WWOX: variants seen among roughly 807,000 people sequenced by gnomAD.
WWOX encodes the protein WW domain-containing oxidoreductase.
WWOX carries 69 observed loss-of-function variants against 46.2 expected under a neutral mutation model. The ratio of observed to expected loss-of-function variants is 1.49; its 90% CI spans 1.23 to 1.82. The LOEUF (loss-of-function observed/expected upper bound fraction) is 1.82, where lower values mean the gene tolerates loss of function less well. WWOX is among the 40% of genes most tolerant of loss of function. WWOX has a pLI of 0.00. For missense variants in WWOX, 919 were observed against 542.6 expected (o/e 1.69, Z -6.89); for synonymous variants, 359 against 202.6 (o/e 1.77, Z -6.56).
At chr16:78,262,761 G>T (rs1011830048) in intron 5 of WWOX, among the ~76,000 whole-genome samples, 1 of 152,180 alleles carries the variant, frequency 6.6e-6, no homozygotes, top group Admixed American at 6.5e-5. Context: ...CCCCTGGACT[G>T]CTAAGACTCG....
At chr16:78,966,954 C>T (rs1011077752) in intron 8 of WWOX, among the ~76,000 whole-genome samples, 1 of 152,160 alleles carries the variant, frequency 6.6e-6, no homozygotes, top group Non-Finnish European at 1.5e-5. Flanking sequence ...GTAAGGGGTT[C>T]GTAAATACTG....
At chr16:78,665,759 A>T (rs553407860) in intron 8 of WWOX, among the ~76,000 whole-genome samples, 8 of 152,202 alleles carry the variant, frequency 5.3e-5, no homozygotes, top group Admixed American at 2.0e-4. Flanking sequence ...ATCTCAGCTC[A>T]CTGCAACCTC....
At chr16:78,186,732 T>G (rs1222769877) in intron 5 of WWOX, among the ~76,000 whole-genome samples, 1 of 152,170 alleles carries the variant, frequency 6.6e-6, no homozygotes, top group Non-Finnish European at 1.5e-5. Flanking sequence ...GCCACTGCAC[T>G]CCAGCCTGGG....
chr16:78,521,831 A>C (rs1190236290), intron 8 of WWOX, among the ~76,000 whole-genome samples: 1 of 151,988 alleles, frequency 6.6e-6, no homozygotes, highest in East Asian at 1.9e-4. Context: ...AGTTGACCCT[A>C]AGCCTATGAA....
At chr16:79,005,614 C>A (rs2047175149) in intron 8 of WWOX, among the ~76,000 whole-genome samples, 1 of 152,158 alleles carries the variant, frequency 6.6e-6, no homozygotes, top group Non-Finnish European at 1.5e-5. Context: ...CCATCTCTGC[C>A]TCTGTCTTCT....
In WWOX at chr16:78,773,674, G is replaced by A. The variant is rs780895976; in HGVS notation, c.1056+340922G>A. ...TCACTGGATAGTGTTTATTAAAAAC[G>A]AAATCACAGTGGTGTGTCTGGAGTT... is the stretch of plus-strand genomic sequence containing the variant. On this transcript the variant is annotated intron_variant, in intron 8 of 8. Transcript: ENST00000566780. Among the ~76,000 whole-genome samples the A allele has an allele frequency of 3.9e-4, 59 of 152,148 alleles. 1 individual carries two copies. Among genetic ancestry groups the A allele is most frequent in the Admixed American group, 9.2e-4 (14 of 15,278 alleles).
At chr16:78,844,883 C>T (rs1363125126) in intron 8 of WWOX, among the ~76,000 whole-genome samples, 1 of 152,104 alleles carries the variant, frequency 6.6e-6, no homozygotes, top group Non-Finnish European at 1.5e-5. Flanking sequence ...GAGCATACAC[C>T]AAAGTGGCCA....
At chr16:78,628,420 T>G (rs1408521273) in intron 8 of WWOX, among the ~76,000 whole-genome samples, 1 of 152,194 alleles carries the variant, frequency 6.6e-6, no homozygotes, top group Non-Finnish European at 1.5e-5. Context: ...TGGGGGATTG[T>G]GGGTGCCGAG....
intron 4 of WWOX, among the ~76,000 whole-genome samples, chr16:78,144,501 A>G (rs1332888536): frequency 1.3e-4 from 2 of 14,932 alleles, no homozygotes; most frequent in Non-Finnish European, 2.0e-4. Flanking sequence ...ACACACACAC[A>G]TATATATATA....
In WWOX at chr16:78,737,309, A is replaced by T. The variant is rs1038887775; in HGVS notation, c.1056+304557A>T. ...GTATATATATGTATATAATATATAT[A>T]TTTTTTAGTACAGATGCGGTTTCAT... On this transcript the variant is annotated intron_variant, in intron 8 of 8. Transcript: ENST00000566780. 1.6e-4 allele frequency among the ~76,000 whole-genome samples: 24 copies of T among 151,296 alleles called. No homozygotes were observed. In the South Asian group the frequency reaches 2.7e-3, roughly 17 times the overall value.
At chr16:78,552,279 C>G (rs2044192707) in intron 8 of WWOX, 1 of 152,192 alleles carries the variant, frequency 6.6e-6, no homozygotes, top group Admixed American at 6.5e-5. Context: ...CTGATTTACA[C>G]AAAGCCATCT....
intron 8 of WWOX, among the ~76,000 whole-genome samples, chr16:78,642,492 G>A (rs1412488457): frequency 3.3e-5 from 5 of 152,124 alleles, no homozygotes; most frequent in African/African-American, 1.2e-4. Flanking sequence ...ATGTGCACCA[G>A]GTCAGATTCA....
chr16:79,142,554 A>G (rs1427869054), intron 8 of WWOX, among the ~76,000 whole-genome samples: 1 of 152,204 alleles, frequency 6.6e-6, no homozygotes, highest in Non-Finnish European at 1.5e-5. Context: ...CATTGATCTT[A>G]ATTGTTATTA....
chr16:79,188,503 G>C (rs1481771879), intron 8 of WWOX, among the ~76,000 whole-genome samples: 1 of 152,210 alleles, frequency 6.6e-6, no homozygotes, highest in Non-Finnish European at 1.5e-5. Flanking sequence ...CGCATTGCCA[G>C]AGAAATCACA....
At chr16:78,360,388 C>T (rs952629095) in intron 5 of WWOX, among the ~76,000 whole-genome samples, 1 of 152,042 alleles carries the variant, frequency 6.6e-6, no homozygotes, top group Non-Finnish European at 1.5e-5. Context: ...GAGTTCAAGA[C>T]CAGCCTGGTC....
At chr16:78,426,773 C>T (rs895929877) in intron 7 of WWOX, among the ~76,000 whole-genome samples, 4 of 152,304 alleles carry the variant, frequency 2.6e-5, no homozygotes, top group Admixed American at 2.6e-4. Flanking sequence ...AAGCGATTCT[C>T]CTGCCTCAGC....
At chr16:78,138,872 C>G (rs531737889) in intron 4 of WWOX, among the ~76,000 whole-genome samples, 5 of 152,298 alleles carry the variant, frequency 3.3e-5, no homozygotes, top group African/African-American at 1.2e-4. Flanking sequence ...CATTTGGCAT[C>G]TCTATTACCT....
intron 8 of WWOX, among the ~76,000 whole-genome samples, chr16:78,944,704 A>T (rs927118966): frequency 6.6e-6 from 1 of 152,122 alleles, no homozygotes; most frequent in South Asian, 2.1e-4. Flanking sequence ...ATATCCTGCA[A>T]AAGCCAACTT....
intron 8 of WWOX, among the ~76,000 whole-genome samples, chr16:78,931,900 A>T (rs570420666): frequency 2.6e-5 from 4 of 152,166 alleles, no homozygotes; most frequent in Non-Finnish European, 4.4e-5. Context: ...GGTCTTTCCC[A>T]TGCTGTTGTT....
Sources: gnomAD v4.1 joint callset for allele counts (sites outside exome capture counted in the v4.1 genomes callset) on GRCh38, gnomAD v4.1.1 for gene constraint, MANE v1.5 for transcripts, NCBI Gene and HGNC (gene_info 2026-07-23, HGNC 2026-07-21) for gene names.